The following KCNH1 variants were observed in gnomAD, a reference collection of about 807,000 sequenced individuals.
KCNH1 encodes potassium voltage-gated channel subfamily H member 1.
KCNH1 carries 27 observed loss-of-function variants against 69.2 expected under a neutral mutation model. The observed-to-expected ratio is 0.39, with a 90% CI of 0.29 to 0.54. KCNH1 has a LOEUF of 0.54. KCNH1 is among the 20% of genes least tolerant of loss of function. The pLI is 0.68. For synonymous variants in KCNH1, 456 were observed against 487.7 expected (o/e 0.93, Z 0.86); for missense variants, 798 against 1,261.6 (o/e 0.63, Z 5.57).
chr1:211,103,456 A>G, intron 3 of KCNH1, 40 bp downstream of exon 3: 1 of 1,307,740 alleles, frequency 7.6e-7, no homozygotes, highest in Non-Finnish European at 1.1e-6. Context: ...TACTATTTCA[A>G]ACACATAAAG....
intron 7 of KCNH1, among the ~76,000 whole-genome samples, chr1:210,871,804 A>G (rs1470358373): frequency 7.3e-5 from 11 of 149,878 alleles, no homozygotes; most frequent in Non-Finnish European, 1.5e-4. Context: ...TCGCAAGAAC[A>G]AAAAACCAAA....
chr1:211,014,290 A>G (rs1439173671), intron 6 of KCNH1, among the ~76,000 whole-genome samples: 2 of 152,212 alleles, frequency 1.3e-5, no homozygotes, highest in Non-Finnish European at 2.9e-5. Flanking sequence ...CACTTGAAAG[A>G]GACTTATTTA....
chr1:211,125,350 C>T (rs1326715967), intron 1 of KCNH1, among the ~76,000 whole-genome samples: 2 of 152,082 alleles, frequency 1.3e-5, no homozygotes, highest in African/African-American at 4.8e-5. Context: ...TACCTTGGCC[C>T]ACACAGAGGC....
intron 10 of KCNH1, among the ~76,000 whole-genome samples, chr1:210,708,442 G>A (rs1228844550): frequency 1.3e-5 from 2 of 151,830 alleles, no homozygotes; most frequent in African/African-American, 4.8e-5. Context: ...CATCTTTGAT[G>A]TAAATATACT....
intron 6 of KCNH1, among the ~76,000 whole-genome samples, chr1:210,960,731 T>G (rs1471452821): frequency 6.6e-6 from 1 of 152,210 alleles, no homozygotes; most frequent in African/African-American, 2.4e-5. Context: ...TGTACAAGTC[T>G]TTATATAGTC....
At chr1:211,032,133 C>G (rs1305033956) in intron 5 of KCNH1, among the ~76,000 whole-genome samples, 1 of 151,992 alleles carries the variant, frequency 6.6e-6, no homozygotes, top group African/African-American at 2.4e-5. Context: ...AAACAGAGAG[C>G]CAAATCATGA....
Position 210,732,687 on chromosome 1 carries a change from A to G in KCNH1, c.2112+42661T>C, listed in dbSNP as rs566968464. Among the ~76,000 whole-genome samples, 3 of 152,300 alleles carry G rather than the reference A, an allele frequency of 2.0e-5. No individual in the cohort carries two copies. In the East Asian group the frequency reaches 5.8e-4, roughly 29 times the overall value. ...ACTTCTGGAGGCTGGGAAGTCCAAAAACCAAGGTGCTGGCAGATTCAGTGT... is the reference window on the plus strand; with the variant it reads ...ACTTCTGGAGGCTGGGAAGTCCAAAGACCAAGGTGCTGGCAGATTCAGTGT... On this transcript the variant is annotated intron_variant, in intron 10 of 10. Coordinates refer to ENST00000271751, the MANE Select transcript of KCNH1 (RefSeq NM_172362.3).
intron 7 of KCNH1, among the ~76,000 whole-genome samples, chr1:210,852,351 G>A (rs913796123): frequency 4.6e-5 from 7 of 152,200 alleles, no homozygotes; most frequent in Non-Finnish European, 1.0e-4. Flanking sequence ...GCTGGAGAGG[G>A]AGCAGCCAAG....
intron 6 of KCNH1, among the ~76,000 whole-genome samples, chr1:211,013,179 A>T (rs1689425607): frequency 6.6e-6 from 1 of 152,214 alleles, no homozygotes. Flanking sequence ...GACAGCCATA[A>T]GTTAACAGGA....
At chr1:210,713,327 A>G (rs973477442) in intron 10 of KCNH1, among the ~76,000 whole-genome samples, 5 of 152,226 alleles carry the variant, frequency 3.3e-5, no homozygotes, top group Non-Finnish European at 1.5e-5. Flanking sequence ...GCAGACACAG[A>G]TTGGGAGTAC....
intron 10 of KCNH1, among the ~76,000 whole-genome samples, chr1:210,759,141 C>T (rs1683459362): frequency 8.3e-6 from 1 of 119,920 alleles, no homozygotes; most frequent in East Asian, 2.3e-4. Context: ...CCTATCCAAA[C>T]CTATCCAAAT....
chr1:210,898,722 A>T (rs1190728475), intron 7 of KCNH1, among the ~76,000 whole-genome samples: 8 of 151,652 alleles, frequency 5.3e-5, no homozygotes, highest in Non-Finnish European at 1.0e-4. Flanking sequence ...GATACACCTC[A>T]CAGTAAATGA....
intron 5 of KCNH1, among the ~76,000 whole-genome samples, chr1:211,028,824 G>A (rs1233149818): frequency 6.6e-6 from 1 of 151,898 alleles, no homozygotes; most frequent in Non-Finnish European, 1.5e-5. Flanking sequence ...AAATAATGGT[G>A]TCAAAATTTA....
At chr1:210,802,999 G>T (rs775594402) in intron 8 of KCNH1, among the ~76,000 whole-genome samples, 1 of 151,980 alleles carries the variant, frequency 6.6e-6, no homozygotes, top group Non-Finnish European at 1.5e-5. Context: ...TCTGGTGAAG[G>T]CTGGGATAGT....
chr1:211,032,605 C>T (rs1168404764), intron 5 of KCNH1, among the ~76,000 whole-genome samples: 1 of 152,106 alleles, frequency 6.6e-6, no homozygotes, highest in African/African-American at 2.4e-5. Context: ...AGAAATAATG[C>T]CACATATCTA....
intron 7 of KCNH1, among the ~76,000 whole-genome samples, chr1:210,892,493 C>G (rs749917228): frequency 1.3e-5 from 2 of 152,050 alleles, no homozygotes; most frequent in African/African-American, 2.4e-5. Flanking sequence ...ACTGACAGCT[C>G]CCCCACACAT....
chr1:210,959,062 G>A (rs188374534), intron 6 of KCNH1, among the ~76,000 whole-genome samples: 2 of 152,266 alleles, frequency 1.3e-5, no homozygotes, highest in Non-Finnish European at 1.5e-5. Flanking sequence ...ATCTACCTTT[G>A]GTCTCTGATG....
chr1:210,811,462 C>T lies in KCNH1; in HGVS notation c.1463-7296G>A, dbSNP rs530164193. On this transcript the variant is annotated intron_variant, in intron 7 of 10. Transcript: ENST00000271751. Reference sequence around the variant, plus strand: ...TAGGGTTTAGCTTTATGGGGTCTACCAAGTCATTCATTGCTTTCCAGCTTT... The same window carrying T: ...TAGGGTTTAGCTTTATGGGGTCTACTAAGTCATTCATTGCTTTCCAGCTTT... Among the ~76,000 whole-genome samples the T allele has an allele frequency of 2.0e-5, 3 of 152,154 alleles. No homozygotes were observed. In the East Asian group the frequency reaches 5.8e-4, roughly 29 times the overall value.
At chr1:210,855,317 A>C (rs530217919) in intron 7 of KCNH1, among the ~76,000 whole-genome samples, 1 of 152,284 alleles carries the variant, frequency 6.6e-6, no homozygotes, top group South Asian at 2.1e-4. Flanking sequence ...AGAGACATGA[A>C]CCCAGCCTTT....
Sources: gnomAD v4.1 joint callset for allele counts (sites outside exome capture counted in the v4.1 genomes callset) on GRCh38, gnomAD v4.1.1 for gene constraint, MANE v1.5 for transcripts, NCBI Gene and HGNC (gene_info 2026-07-23, HGNC 2026-07-21) for gene names.